PINLYP: variants seen among roughly 807,000 people sequenced by gnomAD.
PINLYP encodes phospholipase A2 inhibitor and LY6/PLAUR domain containing, also known as phospholipase A2 inhibitor and Ly6/PLAUR domain-containing protein.
In PINLYP, 12 loss-of-function variants were observed where a neutral mutation model predicts 15.8. The ratio of observed to expected loss-of-function variants is 0.76; its 90% CI spans 0.49 to 1.23. The LOEUF (loss-of-function observed/expected upper bound fraction) is 1.23, where lower values mean the gene tolerates loss of function less well. Among genes scored for constraint, PINLYP ranks in the 50% most tolerant of loss-of-function variants. The pLI is 0.00. For synonymous variants in PINLYP, 93 were observed against 97.7 expected (o/e 0.95, Z 0.28); for missense variants, 278 against 264.2 (o/e 1.05, Z -0.36).
In PINLYP at chr19:43,576,930, A is replaced by T; in HGVS notation, c.-78+11A>T. 1 of 497,588 alleles carries T rather than the reference A, an allele frequency of 2.0e-6. No homozygotes were observed. The highest frequency in any genetic ancestry group is 3.5e-6 in the Non-Finnish European group (1 of 285,302). The allele number at this position is 497,588 out of a possible 1,614,324, so 30.8% of individuals were successfully genotyped here. A position where few individuals can be genotyped will look rare whatever the true frequency, so the allele number is the denominator to read the frequency against. ...ATGGGCCGTGGGAAGGTGAGAAAACAGGGTGGTGACTTTCTGGGTTCTAAT... is the reference window on the plus strand; with the variant it reads ...ATGGGCCGTGGGAAGGTGAGAAAACTGGGTGGTGACTTTCTGGGTTCTAAT... On this transcript the variant is annotated intron_variant, in intron 1 of 5. Transcript: ENST00000599207.
At chr19:43,581,066 A>G in intron 3 of PINLYP, 146 bp from the exon 4 acceptor site, 1 of 1,024,704 alleles carries the variant, frequency 9.8e-7, no homozygotes, top group Non-Finnish European at 1.4e-6. Context: ...GTCTAAAAAA[A>G]ATAAGAAAAG....
chr19:43,575,729 T>C (rs1373174961), upstream of PINLYP: 2 of 358,990 alleles, frequency 5.6e-6, no homozygotes, highest in Non-Finnish European at 1.0e-5. Flanking sequence ...AACCCCGCTC[T>C]AGCCTCGCCT....
At chr19:43,578,285 C>G (rs78894925) in intron 2 of PINLYP, among the ~76,000 whole-genome samples, 1 of 152,140 alleles carries the variant, frequency 6.6e-6, no homozygotes. Flanking sequence ...ACCTCCATCA[C>G]GACCCCTCCC....
At chr19:43,581,291 G>A (rs1264871895) in exon 4 of PINLYP, 58 of 1,536,984 alleles carry the variant, frequency 3.8e-5, no homozygotes, top group Non-Finnish European at 5.1e-5. Context: ...CCACCACCAT[G>A]GGCCCCAAGG....
At chr19:43,581,267 C>T (rs1364144500) in exon 4 of PINLYP, 1 of 1,537,160 alleles carries the variant, frequency 6.5e-7, no homozygotes, top group South Asian at 1.2e-5. Context: ...AGGACTGCTA[C>T]TCCGGCGTTA....
chr19:43,579,083 G>T, intron 3 of PINLYP: 1 of 272,050 alleles, frequency 3.7e-6, no homozygotes, highest in Non-Finnish European at 7.3e-6. Flanking sequence ...GGATAGAGAA[G>T]GAAGAGGCTG....
chr19:43,577,134 C>T, exon 2 of PINLYP: 1 of 1,535,842 alleles, frequency 6.5e-7, no homozygotes. Flanking sequence ...GGGTCCAGAC[C>T]CACCCCTCCT....
intron 3 of PINLYP, among the ~76,000 whole-genome samples, chr19:43,579,464 C>G (rs1600066946): frequency 6.6e-6 from 1 of 151,384 alleles, no homozygotes; most frequent in African/African-American, 2.4e-5. Context: ...CCAGGCTGGT[C>G]TCTAACTCCT....
At chr19:43,581,493 G>A (rs1018845180) in intron 4 of PINLYP, 70 bp from the exon 5 acceptor site, 54 of 1,506,958 alleles carry the variant, frequency 3.6e-5, no homozygotes, top group Admixed American at 1.4e-4. Flanking sequence ...GGTGTTTCCC[G>A]GGGTTGTTGG....
At chr19:43,577,190 C>G (rs1160711025) in exon 2 of PINLYP, 6 of 1,535,972 alleles carry the variant, frequency 3.9e-6, no homozygotes, top group Non-Finnish European at 5.2e-6. Flanking sequence ...GATACACACA[C>G]CATGAGGCTC....
chr19:43,579,308 C>A (rs1046951610), intron 3 of PINLYP, among the ~76,000 whole-genome samples: 3 of 151,886 alleles, frequency 2.0e-5, no homozygotes, highest in Admixed American at 1.3e-4. Flanking sequence ...TGCAATGGCG[C>A]GATCTCTGCT....
At chr19:43,580,995 C>T (rs1187701879) in intron 3 of PINLYP, 7 of 517,858 alleles carry the variant, frequency 1.4e-5, no homozygotes, top group Admixed American at 3.7e-5. Context: ...CGCAGCTACT[C>T]GGGAGGTGGA....
intron 2 of PINLYP, among the ~76,000 whole-genome samples, chr19:43,578,284 A>G (rs956540133): frequency 6.6e-6 from 1 of 152,170 alleles, no homozygotes; most frequent in African/African-American, 2.4e-5. Context: ...AACCTCCATC[A>G]CGACCCCTCC....
chr19:43,581,463 C>CAGTGT, intron 4 of PINLYP, 99 bp downstream of exon 4: 4 of 1,510,974 alleles, frequency 2.6e-6, no homozygotes, highest in Non-Finnish European at 3.5e-6. Context: ...CTGTAAAATG[C>CAGTGT]AGTGTCTATT....
At chr19:43,581,991 A>T in exon 6 of PINLYP, 1 of 1,535,880 alleles carries the variant, frequency 6.5e-7, no homozygotes, top group Non-Finnish European at 8.7e-7. Context: ...GAGTGCACTC[A>T]CTCCCCCTGA....
At chr19:43,581,456 T>C (rs1458282482) in intron 4 of PINLYP, 92 bp downstream of exon 4, 1 of 1,513,048 alleles carries the variant, frequency 6.6e-7, no homozygotes, top group African/African-American at 1.4e-5. Flanking sequence ...TCCTTACCTG[T>C]AAAATGCAGT....
At chr19:43,577,599 A>T (rs575863135) in intron 2 of PINLYP, among the ~76,000 whole-genome samples, 4 of 59,278 alleles carry the variant, frequency 6.7e-5, no homozygotes, top group Admixed American at 2.1e-4. Flanking sequence ...AAATATAATT[A>T]AAAAAAAAAA....
intron 3 of PINLYP, chr19:43,580,518 G>C: frequency 1.0e-6 from 1 of 985,986 alleles, no homozygotes; most frequent in Non-Finnish European, 1.2e-6. Flanking sequence ...GGGGTTGGCG[G>C]GGAGTTGAGG....
intron 3 of PINLYP, chr19:43,580,364 C>A: frequency 4.5e-6 from 1 of 221,354 alleles, no homozygotes. Context: ...GAAGAACCCA[C>A]CTTAAACAAG....
Sources: gnomAD v4.1 joint callset for allele counts (sites outside exome capture counted in the v4.1 genomes callset) on GRCh38, gnomAD v4.1.1 for gene constraint, MANE v1.5 for transcripts, NCBI Gene and HGNC (gene_info 2026-07-23, HGNC 2026-07-21) for gene names.